The following KLHL1 variants were observed in gnomAD, a reference collection of about 807,000 sequenced individuals.
The protein encoded by KLHL1 is kelch-like protein 1.
A neutral mutation model predicts 77.7 loss-of-function variants in KLHL1; 47 were observed. The observed-to-expected ratio is 0.60, with a 90% CI of 0.48 to 0.77. The LOEUF (loss-of-function observed/expected upper bound fraction) is 0.77, where lower values mean the gene tolerates loss of function less well. KLHL1 is among the 30% of genes least tolerant of loss of function. The pLI, the probability that KLHL1 is intolerant of heterozygous loss-of-function variation, is 0.00. For synonymous variants in KLHL1, 360 were observed against 325.2 expected (o/e 1.11, Z -1.15); for missense variants, 925 against 910.8 (o/e 1.02, Z -0.20).
chr13:70,013,345 A>G (rs1394204323), intron 1 of KLHL1, among the ~76,000 whole-genome samples: 1 of 152,222 alleles, frequency 6.6e-6, no homozygotes, highest in Non-Finnish European at 1.5e-5. Context: ...GATATATTAC[A>G]TGGCTACTCT....
At chr13:69,900,586 T>C (rs1881819284) in intron 4 of KLHL1, among the ~76,000 whole-genome samples, 1 of 152,192 alleles carries the variant, frequency 6.6e-6, no homozygotes, top group African/African-American at 2.4e-5. Context: ...AGGGCACTTT[T>C]GCTGGTAGAC....
chr13:69,944,429 T>G (rs1883455113), intron 3 of KLHL1, among the ~76,000 whole-genome samples: 1 of 152,204 alleles, frequency 6.6e-6, no homozygotes, highest in African/African-American at 2.4e-5. Context: ...TCTGATTGTG[T>G]TATGTATTAT....
intron 1 of KLHL1, among the ~76,000 whole-genome samples, chr13:69,986,320 G>A (rs560043458): frequency 7.6e-4 from 115 of 152,144 alleles, no homozygotes; most frequent in African/African-American, 2.7e-3. Context: ...ATAGCAAGAA[G>A]AGAGGGTTTT....
intron 2 of KLHL1, among the ~76,000 whole-genome samples, chr13:69,962,926 C>T (rs779264505): frequency 6.6e-6 from 1 of 152,220 alleles, no homozygotes. Flanking sequence ...AGAAGACTTT[C>T]CTAATATCAT....
chr13:69,728,744 G>A (rs1367911921), intron 8 of KLHL1, among the ~76,000 whole-genome samples: 1 of 150,388 alleles, frequency 6.6e-6, no homozygotes, highest in Admixed American at 6.6e-5. Context: ...GGAAGCAGAG[G>A]TTGTAGTGAG....
At chr13:70,101,247 T>C (rs1887913459) in intron 1 of KLHL1, among the ~76,000 whole-genome samples, 1 of 141,360 alleles carries the variant, frequency 7.1e-6, no homozygotes, top group Non-Finnish European at 1.6e-5. Context: ...TAAATATTTA[T>C]AGAAGAAAAA....
intron 5 of KLHL1, among the ~76,000 whole-genome samples, chr13:69,868,251 AAATT>A (rs1880447019): frequency 6.6e-6 from 1 of 152,144 alleles, no homozygotes; most frequent in Non-Finnish European, 1.5e-5. Flanking sequence ...ACTGCCAAAT[AAATT>A]AAAAACATCA....
In KLHL1 at chr13:70,047,971, T is replaced by G. The variant is rs184241247; in HGVS notation, c.497+59232A>C. Among the ~76,000 whole-genome samples the G allele has an allele frequency of 1.8e-4, 28 of 152,228 alleles. No homozygotes were observed. The East Asian group carries it at 5.4e-3, about 29-fold the overall frequency. ...GTCCCTTAGAACAAGACAGAACTAT[T>G]TAAATAAGTCATTGATGAGATATTT... On this transcript the variant is annotated intron_variant, in intron 1 of 10. Transcript: ENST00000377844.
chr13:69,862,077 A>G (rs1171725275), intron 5 of KLHL1, among the ~76,000 whole-genome samples: 1 of 151,888 alleles, frequency 6.6e-6, no homozygotes, highest in African/African-American at 2.4e-5. Flanking sequence ...TAGTTTTACA[A>G]AGTACAAAAT....
chr13:69,745,323 T>C (rs1874162207), intron 7 of KLHL1, among the ~76,000 whole-genome samples: 2 of 151,942 alleles, frequency 1.3e-5, no homozygotes, highest in Admixed American at 1.3e-4. Flanking sequence ...ATTATATCAT[T>C]TTATCAATTT....
intron 7 of KLHL1, among the ~76,000 whole-genome samples, chr13:69,772,510 A>C (rs1298804369): frequency 6.6e-6 from 1 of 152,164 alleles, no homozygotes; most frequent in Non-Finnish European, 1.5e-5. Flanking sequence ...AAACAAATTA[A>C]GGCTGTTTAT....
chr13:69,885,327 C>G, intron 4 of KLHL1, among the ~76,000 whole-genome samples: 1 of 152,094 alleles, frequency 6.6e-6, no homozygotes, highest in East Asian at 1.9e-4. Flanking sequence ...TTTTGGTAAC[C>G]AGCGGCGTTG....
At chr13:69,803,270 A>G (rs568384172) in intron 6 of KLHL1, among the ~76,000 whole-genome samples, 2 of 151,738 alleles carry the variant, frequency 1.3e-5, no homozygotes, top group East Asian at 3.9e-4. Context: ...AGCCTGATGA[A>G]ATACATATTA....
intron 1 of KLHL1, among the ~76,000 whole-genome samples, chr13:70,089,314 C>T (rs547016883): frequency 2.6e-5 from 4 of 151,844 alleles, no homozygotes; most frequent in Non-Finnish European, 5.9e-5. Context: ...TGTTGTTTTG[C>T]CTTTTGTTAT....
At chr13:69,781,531 C>A (rs2138005499) in intron 7 of KLHL1, among the ~76,000 whole-genome samples, 1 of 152,208 alleles carries the variant, frequency 6.6e-6, no homozygotes, top group African/African-American at 2.4e-5. Context: ...CCATCTGATT[C>A]TCATTCCTTT....
At chr13:70,002,881 C>T (rs1885330149) in intron 1 of KLHL1, among the ~76,000 whole-genome samples, 1 of 151,494 alleles carries the variant, frequency 6.6e-6, no homozygotes, top group South Asian at 2.1e-4. Flanking sequence ...GTTACAAATT[C>T]CAGATGTCCA....
intron 1 of KLHL1, among the ~76,000 whole-genome samples, chr13:70,077,364 G>C (rs1307512039): frequency 2.0e-5 from 3 of 151,726 alleles, no homozygotes; most frequent in East Asian, 3.9e-4. Flanking sequence ...GTCCACAAAG[G>C]CTACATATTC....
chr13:69,907,560 G>A (rs1410976090), intron 4 of KLHL1, among the ~76,000 whole-genome samples: 1 of 151,948 alleles, frequency 6.6e-6, no homozygotes, highest in Non-Finnish European at 1.5e-5. Context: ...AAAGTCATGG[G>A]TAGAGATAGA....
At chr13:69,943,544 C>T (rs1883428349) in intron 3 of KLHL1, among the ~76,000 whole-genome samples, 1 of 151,872 alleles carries the variant, frequency 6.6e-6, no homozygotes, top group Admixed American at 6.6e-5. Flanking sequence ...TACATGAGTA[C>T]TATTGATATA....
Sources: allele counts gnomAD v4.1 joint callset (sites outside exome capture counted in the v4.1 genomes callset), GRCh38; gene constraint gnomAD v4.1.1; transcripts MANE v1.5; gene names NCBI Gene and HGNC (gene_info 2026-07-23, HGNC 2026-07-21).